DNAH11: variants seen among roughly 807,000 people sequenced by gnomAD.
The protein encoded by DNAH11 is axonemal beta dynein heavy chain 11.
DNAH11 carries 442 observed loss-of-function variants against 526.0 expected under a neutral mutation model. The observed-to-expected ratio is 0.84, with a 90% CI of 0.78 to 0.91. The LOEUF is 0.91. Among genes scored for constraint, DNAH11 ranks in the 40% least tolerant of loss-of-function variants. DNAH11 has a pLI of 0.00. For synonymous variants in DNAH11, 2,461 were observed against 1,935.9 expected, an observed-to-expected ratio of 1.27 and a Z score of -7.12; for missense variants, 6,989 against 5,448.7, an observed-to-expected ratio of 1.28 and a Z score of -8.90.
chr7:21,544,971 A>G (rs1281017353), intron 1 of DNAH11, 35 bp from the exon 2 acceptor site: 3 of 1,520,262 alleles, frequency 2.0e-6, no homozygotes, highest in Non-Finnish European at 2.7e-6. Context: ...TTAACAAGAA[A>G]ACTACTTGAA....
intron 28 of DNAH11, among the ~76,000 whole-genome samples, chr7:21,639,484 G>A (rs1226005779): frequency 6.6e-6 from 1 of 152,062 alleles, no homozygotes; most frequent in African/African-American, 2.4e-5. Context: ...TTATGACATT[G>A]GGCTTATCTT....
intron 46 of DNAH11, among the ~76,000 whole-genome samples, chr7:21,737,292 G>A (rs533278281): frequency 6.5e-4 from 99 of 152,306 alleles, no homozygotes; most frequent in Middle Eastern, 3.4e-3. Flanking sequence ...CTACTGATTT[G>A]GAGTTATACT....
Position 21,901,411 on chromosome 7 carries a change from A to T in DNAH11, c.*157A>T. 9.2e-7 allele frequency: 1 copy of T among 1,081,850 alleles called. No homozygotes were observed. Among genetic ancestry groups the T allele is most frequent in the East Asian group, 2.9e-5 (1 of 34,350 alleles). 67.0% of individuals were successfully genotyped at this position (1,081,850 alleles called of 1,614,324 possible). ...CTTAGAGTGAAAGTCAGAAAAAAAT[A>T]CTAGAAACTAACTCAGGGCTGAGCG... On this transcript the variant is annotated 3_prime_UTR_variant, in exon 82 of 82. Coordinates refer to ENST00000409508, the MANE Select transcript of DNAH11 (RefSeq NM_001277115.2).
At chr7:21,571,269 T>C (rs1376432867) in intron 7 of DNAH11, among the ~76,000 whole-genome samples, 1 of 152,134 alleles carries the variant, frequency 6.6e-6, no homozygotes, top group East Asian at 1.9e-4. Flanking sequence ...TTGCTTCTAC[T>C]GCGAGATAGT....
intron 28 of DNAH11, among the ~76,000 whole-genome samples, chr7:21,643,352 T>A (rs1176596241): frequency 6.6e-6 from 1 of 152,224 alleles, no homozygotes; most frequent in East Asian, 1.9e-4. Context: ...TGATTCCTTA[T>A]GATGTGAAAG....
chr7:21,633,381 A>G (rs1198662397), intron 25 of DNAH11, among the ~76,000 whole-genome samples: 1 of 152,202 alleles, frequency 6.6e-6, no homozygotes, highest in African/African-American at 2.4e-5. Flanking sequence ...TGTCCAGATG[A>G]TCTATCCATT....
At chr7:21,900,889 CAAGCAAA>C in intron 81 of DNAH11, 111 bp from the exon 82 acceptor site, 7 of 1,466,198 alleles carry the variant, frequency 4.8e-6, no homozygotes, top group Non-Finnish European at 5.4e-6. Context: ...ATACCACTGA[CAAGCAAA>C]AATATGACAA....
chr7:21,719,915 A>T (rs1360653264), intron 43 of DNAH11, among the ~76,000 whole-genome samples: 1 of 152,204 alleles, frequency 6.6e-6, no homozygotes. Context: ...TGTGCTTTAG[A>T]GAGCTAGCCC....
intron 14 of DNAH11, among the ~76,000 whole-genome samples, chr7:21,596,357 G>C (rs181164128): frequency 6.6e-5 from 10 of 152,298 alleles, no homozygotes; most frequent in Middle Eastern, 3.4e-3. Flanking sequence ...AGCCTGGAGA[G>C]AATCTCAGGG....
chr7:21,601,531 TGA>T lies in DNAH11; in HGVS notation c.3562_3563del (p.Glu1188ThrfsTer3). ...AVRSRQRATD[E>X]LFEPLKETIT... is the part of the protein sequence containing the mutation. ...TAAGAAGCCGACAGAGAGCTACTGA[TGA>T]ACTCTTTGAACCTCTAAAAGAAACG... On this transcript the variant is annotated frameshift_variant, in exon 18 of 82. Coordinates refer to ENST00000409508, the MANE Select transcript of DNAH11 (RefSeq NM_001277115.2). LOFTEE classifies it high-confidence loss of function. The T allele has an allele frequency of 1.2e-6, 2 of 1,613,644 alleles. No homozygotes were observed.
At chr7:21,660,006 C>T (rs1319817173) in intron 30 of DNAH11, among the ~76,000 whole-genome samples, 2 of 152,030 alleles carry the variant, frequency 1.3e-5, no homozygotes, top group Non-Finnish European at 2.9e-5. Context: ...TGATTTTACA[C>T]TCTTAGGGGA....
intron 55 of DNAH11, among the ~76,000 whole-genome samples, chr7:21,771,629 C>G (rs984144704): frequency 1.3e-5 from 2 of 152,148 alleles, no homozygotes; most frequent in Admixed American, 1.3e-4. Context: ...GAGTTTATAA[C>G]CATTCGATAC....
At chr7:21,895,409 C>T (rs1421999657) in intron 79 of DNAH11, among the ~76,000 whole-genome samples, 2 of 152,168 alleles carry the variant, frequency 1.3e-5, no homozygotes, top group South Asian at 2.1e-4. Flanking sequence ...TCTGCCTTCT[C>T]ATAGACAACC....
intron 42 of DNAH11, among the ~76,000 whole-genome samples, chr7:21,713,278 T>C (rs1474188801): frequency 6.6e-6 from 1 of 152,156 alleles, no homozygotes; most frequent in Non-Finnish European, 1.5e-5. Context: ...CTCACCCTCT[T>C]CTGTGGTCTG....
At chr7:21,570,391 A>G in intron 7 of DNAH11, 92 bp downstream of exon 7, 3 of 1,047,278 alleles carry the variant, frequency 2.9e-6, no homozygotes, top group East Asian at 2.5e-5. Context: ...TTTACTTTAT[A>G]TCATAGGTGG....
intron 30 of DNAH11, among the ~76,000 whole-genome samples, chr7:21,672,880 T>C (rs1311297388): frequency 6.6e-6 from 1 of 152,206 alleles, no homozygotes; most frequent in Admixed American, 6.5e-5. Flanking sequence ...TCTCTGACCT[T>C]AAGTCTGTTA....
At chr7:21,617,497 G>A in intron 22 of DNAH11, 122 bp from the exon 23 acceptor site, 3 of 1,199,092 alleles carry the variant, frequency 2.5e-6, no homozygotes, top group South Asian at 1.5e-5. Context: ...TGGTCTAGGA[G>A]TTCAAATGCT....
chr7:21,817,335 C>G (rs1789840937), intron 64 of DNAH11, among the ~76,000 whole-genome samples: 1 of 151,984 alleles, frequency 6.6e-6, no homozygotes, highest in Non-Finnish European at 1.5e-5. Flanking sequence ...ACCCTTCCAT[C>G]CTCTTTTTAT....
rs1224911550 is a variant in DNAH11, at chr7:21,873,170, G to A, written c.11968-104G>A. On this transcript the variant is annotated intron_variant, in intron 73 of 81. Transcript: ENST00000409508. ...ATTGATAAAGGAAAATTTGAATCAT[G>A]GTTCTCTGAGTTTTCAGTGCAATTA... The A allele has an allele frequency of 4.8e-6, 5 of 1,035,050 alleles. No individual in the cohort carries two copies. The East Asian group carries it at 1.1e-4, about 22-fold the overall frequency. 64.1% of individuals were successfully genotyped at this position (1,035,050 alleles called of 1,614,324 possible). A position where few individuals can be genotyped will look rare whatever the true frequency, so the allele number is the denominator to read the frequency against.
Sources: allele counts gnomAD v4.1 joint callset (sites outside exome capture counted in the v4.1 genomes callset), GRCh38; gene constraint gnomAD v4.1.1; transcripts MANE v1.5; gene names NCBI Gene and HGNC (gene_info 2026-07-23, HGNC 2026-07-21).